The following VWCE variants were observed in gnomAD, a reference collection of about 807,000 sequenced individuals.
The protein encoded by VWCE is von Willebrand factor C and EGF domain-containing protein.
Under a neutral mutation model 102.9 loss-of-function variants are expected in VWCE, and 68 were observed. The ratio of observed to expected loss-of-function variants is 0.66; its 90% CI spans 0.54 to 0.81. VWCE has a LOEUF of 0.81. Among genes scored for constraint, VWCE ranks in the 30% least tolerant of loss-of-function variants. VWCE has a pLI of 0.00. For synonymous variants in VWCE, 497 were observed against 515.4 expected (o/e 0.96, Z 0.48); for missense variants, 1,137 against 1,263.6 (o/e 0.90, Z 1.52).
At chr11:61,278,744 G>A (rs1299946179) in intron 9 of VWCE, among the ~76,000 whole-genome samples, 1 of 152,132 alleles carries the variant, frequency 6.6e-6, no homozygotes, top group Non-Finnish European at 1.5e-5. Flanking sequence ...AAGGCAGCCT[G>A]GTTTCAAAAC....
intron 11 of VWCE, 132 bp downstream of exon 11, chr11:61,276,461 T>C: frequency 1.6e-6 from 1 of 606,860 alleles, no homozygotes; most frequent in Non-Finnish European, 2.5e-6. Flanking sequence ...CTCATGCCTG[T>C]CATCCCAGCA....
At chr11:61,271,880 A>C in intron 13 of VWCE, 120 bp from the exon 14 acceptor site, 1 of 789,608 alleles carries the variant, frequency 1.3e-6, no homozygotes, top group South Asian at 1.5e-5. Flanking sequence ...ACACGGACAC[A>C]CAAACTTACA....
chr11:61,265,359 C>T (rs1463261109), intron 16 of VWCE, 147 bp from the exon 17 acceptor site: 5 of 662,932 alleles, frequency 7.5e-6, no homozygotes, highest in South Asian at 3.2e-5. Context: ...GGGCAGGGGG[C>T]GCATTTTCTC....
rs1480809925 is a variant in VWCE, at chr11:61,280,705, T to C, written c.1243A>G (p.Thr415Ala). Reference protein sequence around the residue: ...SQCWCEDGKVTCEKVRCEAAC... With the variant: ...SQCWCEDGKVACEKVRCEAAC... ...GCTTCACACCTCACCTTTTCACAGG[T>C]CACCTTCCCGTCCTAGAAGCACAAG... is the stretch of plus-strand genomic sequence containing the variant. Residue 415 changes from threonine (T) to alanine (A), a missense_variant, in exon 9 of 20, where the codon ACC (threonine) becomes GCC (alanine). Physicochemically the swap from Thr to Ala is moderately conservative, Grantham distance 58. Coordinates refer to ENST00000335613, the MANE Select transcript of VWCE (RefSeq NM_152718.2). 6.2e-7 allele frequency: 1 copy of C among 1,613,878 alleles called. No homozygotes were observed. Among genetic ancestry groups the C allele is most frequent in the Admixed American group, 1.7e-5 (1 of 59,988 alleles).
At chr11:61,266,842 C>CT (rs1304124529) in intron 16 of VWCE, among the ~76,000 whole-genome samples, 1 of 152,210 alleles carries the variant, frequency 6.6e-6, no homozygotes, top group African/African-American at 2.4e-5. Flanking sequence ...CATGGGTCTA[C>CT]TGAAAAGGTT....
At chr11:61,268,871 G>A (rs747643427) in intron 15 of VWCE, 51 bp downstream of exon 15, 12 of 1,588,834 alleles carry the variant, frequency 7.6e-6, no homozygotes, top group South Asian at 3.3e-5. Flanking sequence ...TAAGGAGCCC[G>A]ATGCCTGAGA....
At chr11:61,270,226 C>T (rs139773141) in intron 14 of VWCE, among the ~76,000 whole-genome samples, 1 of 152,310 alleles carries the variant, frequency 6.6e-6, no homozygotes, top group African/African-American at 2.4e-5. Context: ...GCCCAGCTTA[C>T]AGCTTTTTAA....
At position 61,281,897 on chromosome 11, in the gene VWCE, T is replaced by A; in HGVS notation, c.676A>T (p.Arg226Trp). 1.2e-6 allele frequency: 2 copies of A among 1,613,610 alleles called. No individual in the cohort carries two copies. Among genetic ancestry groups the A allele is most frequent in the Admixed American group, 3.3e-5 (2 of 59,980 alleles). Residue 226 changes from arginine (R) to tryptophan (W), a missense_variant, in exon 7 of 20, where the codon AGG becomes TGG. Physicochemically the swap from Arg to Trp is moderately radical, Grantham distance 101. This residue lies in a region of VWCE where 575 missense variants were observed against 625.9 expected (regional missense o/e 0.92). Coordinates refer to ENST00000335613, the MANE Select transcript of VWCE (RefSeq NM_152718.2). ...HSCVDVNECR[R>W]PLERRVCHHS... Reference sequence around the variant, plus strand: ...TGACAGACTCGCCTCTCCAATGGCCTCCGACACTCGTTTACATCTGCGGGA... The same window carrying A: ...TGACAGACTCGCCTCTCCAATGGCCACCGACACTCGTTTACATCTGCGGGA...
intron 19 of VWCE, among the ~76,000 whole-genome samples, chr11:61,263,303 CA>C (rs763833059): frequency 0.017 from 1,216 of 70,226 alleles, 8 homozygotes; most frequent in African/African-American, 0.046. Flanking sequence ...TGAGAATCCT[CA>C]AAAAAAAAAA....
At position 61,294,666 on chromosome 11, in the gene VWCE, G is replaced by T. The variant is rs945592384; in HGVS notation, c.110+262C>A. Among the ~76,000 whole-genome samples the T allele has an allele frequency of 2.0e-5, 3 of 152,112 alleles. No homozygotes were observed. Among genetic ancestry groups the T allele is most frequent in the African/African-American group, 7.2e-5 (3 of 41,426 alleles). ...AGGTCCGCGCTCCAGGGCACATTAG[G>T]AGTCACCCAACGCCTGGACCTCCGA... On this transcript the variant is annotated intron_variant, in intron 1 of 19. Coordinates refer to ENST00000335613, the MANE Select transcript of VWCE (RefSeq NM_152718.2). This position sits in a 1 kb window ranked among gnomAD's most constrained non-coding sequence, Gnocchi z 6.3.
chr11:61,265,901 C>G (rs1010512536), intron 16 of VWCE, among the ~76,000 whole-genome samples: 2 of 152,006 alleles, frequency 1.3e-5, no homozygotes, highest in Non-Finnish European at 2.9e-5. Context: ...CAAAAATTAG[C>G]TGGGCGTGGT....
chr11:61,269,024 G>A lies in VWCE; in HGVS notation c.1786-6C>T, dbSNP rs769089134. The A allele has an allele frequency of 3.7e-6, 6 of 1,613,882 alleles. No individual in the cohort carries two copies. The highest frequency in any genetic ancestry group is 2.7e-5 in the African/African-American group (2 of 75,026). On this transcript the variant is annotated splice_region_variant and splice_polypyrimidine_tract_variant and intron_variant, in intron 14 of 19. Transcript: ENST00000335613. ...CAGCTCACCGAGCCATCTGCCTGGA[G>A]GAAGGAGGAACTTCACCAAGACCCC... is the stretch of plus-strand genomic sequence containing the variant.
intron 16 of VWCE, 94 bp from the exon 17 acceptor site, chr11:61,265,306 C>A: frequency 8.7e-7 from 1 of 1,150,190 alleles, no homozygotes; most frequent in East Asian, 2.7e-5. Flanking sequence ...GAGTGTCCAT[C>A]AGAACAATCA....
At position 61,281,033 on chromosome 11, in the gene VWCE, A is replaced by G. The variant is rs780198914; in HGVS notation, c.990T>C (p.Pro330=). Residue 330 remains proline, a synonymous_variant, in exon 8 of 20, where the codon CCT becomes CCC. Transcript: ENST00000335613. ...TGGACAGCAGCCACACAGGGGCAGA[A>G]GGGGAGGATGTGGGTAGTCGTGGGG... ...SPTPRLPTSS[P]SAPVWLLSTL... 1.3e-5 allele frequency: 20 copies of G among 1,579,606 alleles called. No homozygotes were observed. In the African/African-American group the frequency reaches 2.7e-4, roughly 21 times the overall value.
chr11:61,281,066 T>C lies in VWCE; in HGVS notation c.957A>G (p.Pro319=). The C allele has an allele frequency of 6.2e-7, 1 of 1,601,686 alleles. No homozygotes were observed. Among genetic ancestry groups the C allele is most frequent in the Non-Finnish European group, 8.5e-7 (1 of 1,173,510 alleles). Residue 319 remains proline (P), a synonymous_variant, in exon 8 of 20, where the codon CCA becomes CCG. Transcript: ENST00000335613. ...ATGTGGGTAGTCGTGGGGTGGGAGA[T>C]GGCAGGCGGGTGGTCCTGACTCCGG... ...PPAGVRTTRL[P]SPTPRLPTSS...
chr11:61,267,195 T>C (rs1048931568), intron 16 of VWCE, among the ~76,000 whole-genome samples: 12 of 151,894 alleles, frequency 7.9e-5, no homozygotes, highest in Admixed American at 5.2e-4. Context: ...GAAGCGGAGG[T>C]TGCAGTGAGC....
chr11:61,267,410 T>C lies in VWCE; in HGVS notation c.1965+52A>G. On this transcript the variant is annotated intron_variant, in intron 16 of 19. Coordinates refer to ENST00000335613, the MANE Select transcript of VWCE (RefSeq NM_152718.2). ...TGCCTCTGGGATTCAGGAGCCGATG[T>C]CAGTTGTGGGGGAGTTTCCAGGGGC... 4.5e-6 allele frequency: 7 copies of C among 1,564,766 alleles called. 1 individual carries two copies. The South Asian group carries it at 7.8e-5, about 17-fold the overall frequency.
chr11:61,273,253 G>A lies in VWCE; in HGVS notation c.1645C>T (p.Arg549Trp), dbSNP rs762536318. 18 of 1,613,696 alleles carry A rather than the reference G, an allele frequency of 1.1e-5. No individual in the cohort carries two copies. In the African/African-American group the frequency reaches 1.2e-4, roughly 11 times the overall value. Residue 549 changes from arginine (R) to tryptophan (W), a missense_variant, in exon 13 of 20, where the codon CGG becomes TGG. Transcript: ENST00000335613. ...PELACPREEW[R>W]LGPGQCCFTC... ...AAGCAACACTGCCCAGGGCCCAGCC[G>A]CCACTCTTCTCGGGGGCAGGCCAGC...
At chr11:61,263,119 G>A (rs1476244528) in intron 19 of VWCE, among the ~76,000 whole-genome samples, 16 of 152,238 alleles carry the variant, frequency 1.1e-4, no homozygotes, top group Admixed American at 8.5e-4. Context: ...ACAGCCTGAC[G>A]AACATGGCGA....
Sources: gnomAD v4.1 joint callset for allele counts (sites outside exome capture counted in the v4.1 genomes callset) on GRCh38, gnomAD v4.1.1 for gene constraint, gnomAD v4.1.1 regional missense constraint, Gnocchi (gnomAD v3.1) non-coding constraint, MANE v1.5 for transcripts, NCBI Gene and HGNC (gene_info 2026-07-23, HGNC 2026-07-21) for gene names.